Variants in SUGCT observed in about 807,000 individuals in gnomAD.
SUGCT encodes the protein succinyl-CoA:glutarate-CoA transferase.
In SUGCT, 41 loss-of-function variants were observed where a neutral mutation model predicts 55.0. That is an observed-to-expected ratio of 0.74 (90% confidence interval 0.58 to 0.97). The LOEUF is 0.97. SUGCT is among the 50% of genes least tolerant of loss of function. The probability of loss-of-function intolerance (pLI) is 0.00; values close to 1 mark genes in which losing one functional copy is unlikely to be tolerated. For missense variants in SUGCT, 568 were observed against 547.8 expected (o/e 1.04, Z -0.37); for synonymous variants, 187 against 200.4 (o/e 0.93, Z 0.56).
At chr7:40,687,848 A>G (rs1021113587) in intron 12 of SUGCT, among the ~76,000 whole-genome samples, 4 of 152,202 alleles carry the variant, frequency 2.6e-5, no homozygotes, top group Non-Finnish European at 5.9e-5. Context: ...GAAGGCTTCC[A>G]GGTTCTATGA....
intron 6 of SUGCT, among the ~76,000 whole-genome samples, chr7:40,235,124 A>G (rs1788939931): frequency 6.6e-6 from 1 of 151,998 alleles, no homozygotes; most frequent in African/African-American, 2.4e-5. Flanking sequence ...CCTTTTTTTA[A>G]TCATCAATAA....
In SUGCT at chr7:40,475,839, C is replaced by G. The variant is rs1337330921; in HGVS notation, c.986+16641C>G. Among the ~76,000 whole-genome samples, 16 of 152,136 alleles carry G rather than the reference C, an allele frequency of 1.1e-4. 2 individuals carry two copies. The highest frequency in any genetic ancestry group is 9.8e-4 in the Admixed American group (15 of 15,264). The stretch of plus-strand genomic sequence containing the variant: ...CTAAGTCAGTTTCCTTTCCCATGTT[C>G]AGAGAGAGTGAACCCAAATAATTGA... On this transcript the variant is annotated intron_variant, in intron 11 of 13. Coordinates refer to ENST00000335693, the MANE Select transcript of SUGCT (RefSeq NM_001193313.2).
chr7:40,565,999 A>ACGCG (rs1269037201), intron 12 of SUGCT, among the ~76,000 whole-genome samples: 7,963 of 145,192 alleles, frequency 0.055, 232 homozygotes, highest in Middle Eastern at 0.075. Flanking sequence ...ACACGCACAC[A>ACGCG]CACACACACA....
the SUGCT span, among the ~76,000 whole-genome samples, chr7:40,883,742 G>A: frequency 2.0e-5 from 3 of 152,158 alleles, no homozygotes; most frequent in Non-Finnish European, 2.9e-5. Flanking sequence ...ATTTTGTAAC[G>A]TAAACATGCT....
the SUGCT span, among the ~76,000 whole-genome samples, chr7:40,942,638 A>G: frequency 6.6e-6 from 1 of 152,258 alleles, no homozygotes; most frequent in East Asian, 1.9e-4. Flanking sequence ...TTCCTCAATT[A>G]TTCCCTCAAA....
intron 11 of SUGCT, among the ~76,000 whole-genome samples, chr7:40,492,579 T>C (rs1269291867): frequency 1.3e-5 from 2 of 152,216 alleles, no homozygotes; most frequent in African/African-American, 2.4e-5. Flanking sequence ...TCACATTTCA[T>C]CTTCTGCCAC....
At chr7:40,162,517 C>T (rs1784226337) in intron 1 of SUGCT, among the ~76,000 whole-genome samples, 2 of 151,648 alleles carry the variant, frequency 1.3e-5, no homozygotes, top group African/African-American at 4.8e-5. Context: ...TCCTCTGTTG[C>T]CCAGGCTGGA....
At chr7:40,247,465 C>T (rs1473700196) in intron 7 of SUGCT, among the ~76,000 whole-genome samples, 2 of 152,056 alleles carry the variant, frequency 1.3e-5, no homozygotes, top group African/African-American at 4.8e-5. Flanking sequence ...ACCATGTTGG[C>T]CAGGCTGGTT....
chr7:40,973,587 C>G, the SUGCT span, among the ~76,000 whole-genome samples: 1 of 152,150 alleles, frequency 6.6e-6, no homozygotes. Flanking sequence ...AAAGGTTTGT[C>G]CTTGGACTAA....
chr7:40,478,307 C>G (rs1346825733), intron 11 of SUGCT, among the ~76,000 whole-genome samples: 1 of 152,112 alleles, frequency 6.6e-6, no homozygotes, highest in African/African-American at 2.4e-5. Context: ...TGTCTGGCCT[C>G]CTAATTTCTA....
At chr7:40,321,138 C>T (rs1362375042) in intron 9 of SUGCT, among the ~76,000 whole-genome samples, 24 of 137,750 alleles carry the variant, frequency 1.7e-4, no homozygotes, top group Admixed American at 4.1e-4. Flanking sequence ...GTGTATGGTG[C>T]GATCTCGGCT....
intron 12 of SUGCT, among the ~76,000 whole-genome samples, chr7:40,510,484 T>C (rs994895705): frequency 6.6e-6 from 1 of 151,846 alleles, no homozygotes; most frequent in African/African-American, 2.4e-5. Context: ...TTGGTCGGGG[T>C]GAGGGAGGAA....
intron 12 of SUGCT, among the ~76,000 whole-genome samples, chr7:40,646,725 A>G (rs1323108992): frequency 6.6e-6 from 1 of 151,874 alleles, no homozygotes; most frequent in African/African-American, 2.4e-5. Context: ...CAATCTAACC[A>G]GGTCACCTCT....
intron 7 of SUGCT, among the ~76,000 whole-genome samples, chr7:40,246,393 G>A (rs1300302999): frequency 1.3e-5 from 2 of 151,930 alleles, no homozygotes; most frequent in African/African-American, 4.8e-5. Context: ...GCGATTACAG[G>A]TGCTTGCCAT....
chr7:40,453,115 A>G (rs1049225045), intron 10 of SUGCT, among the ~76,000 whole-genome samples: 2 of 152,172 alleles, frequency 1.3e-5, no homozygotes, highest in African/African-American at 4.8e-5. Context: ...CTGTAATGTC[A>G]GAGAGAGTGT....
chr7:40,578,008 C>T (rs1584033806), intron 12 of SUGCT, among the ~76,000 whole-genome samples: 1 of 152,158 alleles, frequency 6.6e-6, no homozygotes, highest in South Asian at 2.1e-4. Flanking sequence ...ATTCTTCAAA[C>T]CATTGCCCCC....
chr7:40,593,447 T>C (rs758524670), intron 12 of SUGCT, among the ~76,000 whole-genome samples: 1 of 152,184 alleles, frequency 6.6e-6, no homozygotes, highest in African/African-American at 2.4e-5. Context: ...GTACAATTGT[T>C]GCCTTCAAGA....
intron 1 of SUGCT, among the ~76,000 whole-genome samples, chr7:40,159,934 A>C (rs1469914084): frequency 6.6e-6 from 1 of 152,188 alleles, no homozygotes; most frequent in African/African-American, 2.4e-5. Flanking sequence ...CTGGGCAGAA[A>C]CTTTGTGTGT....
intron 8 of SUGCT, among the ~76,000 whole-genome samples, chr7:40,287,111 A>T (rs1281619510): frequency 6.6e-6 from 1 of 152,188 alleles, no homozygotes; most frequent in East Asian, 1.9e-4. Context: ...TAGGTGCTGC[A>T]TTACATAGGC....
Sources: gnomAD v4.1 joint callset for allele counts (sites outside exome capture counted in the v4.1 genomes callset) on GRCh38, gnomAD v4.1.1 for gene constraint, MANE v1.5 for transcripts, NCBI Gene and HGNC (gene_info 2026-07-23, HGNC 2026-07-21) for gene names.